The following AGRN variants were observed in gnomAD, a reference collection of about 807,000 sequenced individuals.
AGRN encodes agrin proteoglycan.
AGRN carries 106 observed loss-of-function variants against 211.0 expected under a neutral mutation model. The ratio of observed to expected loss-of-function variants is 0.50; its 90% confidence interval spans 0.43 to 0.59. The LOEUF (loss-of-function observed/expected upper bound fraction) is 0.59, where lower values mean the gene tolerates loss of function less well. Among genes scored for constraint, AGRN ranks in the 20% least tolerant of loss-of-function variants. The probability of loss-of-function intolerance (pLI) is 0.00; values close to 1 mark genes in which losing one functional copy is unlikely to be tolerated. For synonymous variants in AGRN, 1,525 were observed against 1,332.5 expected, an observed-to-expected ratio of 1.14 and a Z score of -3.15; for missense variants, 3,040 against 2,982.6, an observed-to-expected ratio of 1.02 and a Z score of -0.45.
At chr1:1,051,049 G>A in intron 30 of AGRN, 1 of 1,549,054 alleles carries the variant, frequency 6.5e-7, no homozygotes, top group Non-Finnish European at 8.7e-7. Context: ...GCAAGGTACT[G>A]TCGGCCTCTC....
intron 3 of AGRN, among the ~76,000 whole-genome samples, chr1:1,038,772 T>C (rs889335394): frequency 2.6e-5 from 4 of 152,178 alleles, no homozygotes; most frequent in African/African-American, 9.7e-5. Flanking sequence ...TGGCTGGGCA[T>C]CAGCAGGTGC....
intron 12 of AGRN, among the ~76,000 whole-genome samples, chr1:1,044,957 C>G (rs1645049373): frequency 6.6e-6 from 1 of 152,154 alleles, no homozygotes; most frequent in Non-Finnish European, 1.5e-5. Context: ...GTTGTGTGTT[C>G]CTGGATCTGC....
rs527511871 is a variant in AGRN at position 1,031,796 on chromosome 1, A to G, written c.464-3481A>G. The stretch of plus-strand genomic sequence containing the variant: ...TCCTCCTCCTGCAGAGCCCGCCCAG[A>G]GATCCCATGGCTGAAGGTGGTGGCA... On this transcript the variant is annotated intron_variant, in intron 2 of 35. Transcript: ENST00000379370. The surrounding 1 kb of genome is among the most constrained non-coding windows in gnomAD (Gnocchi z 4.8). Among the ~76,000 whole-genome samples the G allele has an allele frequency of 1.8e-4, 27 of 152,312 alleles. No individual in the cohort carries two copies. In the South Asian group the frequency reaches 5.6e-3, roughly 32 times the overall value.
intron 2 of AGRN, among the ~76,000 whole-genome samples, chr1:1,025,512 G>T (rs1644500879): frequency 6.6e-6 from 1 of 151,994 alleles, no homozygotes; most frequent in South Asian, 2.1e-4. Context: ...TAGGGCTGGG[G>T]CCAGCCCCCT....
rs1203162598 is a variant in AGRN at position 1,040,800 on chromosome 1, C to T, written c.647C>T (p.Thr216Ile). ...VAPVCGSDAS[T>I]YSNECELQRA... The stretch of plus-strand genomic sequence containing the variant: ...CCTGTGTGTGGGTCGGACGCCTCCA[C>T]CTACAGCAACGAATGCGAGCTGCAG... The change falls in exon 4 of 36, where the codon ACC becomes ATC. Residue 216 changes from threonine (T) to isoleucine (I), a missense_variant. Transcript: ENST00000379370. 1.3e-6 allele frequency: 2 copies of T among 1,539,224 alleles called. No individual in the cohort carries two copies. Among genetic ancestry groups the T allele is most frequent in the Non-Finnish European group, 8.7e-7 (1 of 1,147,970 alleles).
At chr1:1,050,074 G>A (rs755861280) in intron 27 of AGRN, 37 bp downstream of exon 27, 2 of 1,518,988 alleles carry the variant, frequency 1.3e-6, no homozygotes, top group Non-Finnish European at 1.8e-6. Context: ...GGGGGGGGGG[G>A]GGGGTTGAAC....
At position 1,053,739 on chromosome 1, in the gene AGRN, C is replaced by G. The variant is rs760795854; in HGVS notation, c.5652-14C>G. 2.3e-5 allele frequency: 36 copies of G among 1,585,892 alleles called. No homozygotes were observed. The South Asian group carries it at 4.0e-4, about 18-fold the overall frequency. On this transcript the variant is annotated splice_polypyrimidine_tract_variant and intron_variant, in intron 33 of 35. Transcript: ENST00000379370. Reference sequence around the variant, plus strand: ...CACCTTCCTAGAGGCCCTGACCTGCCCTCTGCCCTCCAGCGAGAAGGCACT... The same window carrying G: ...CACCTTCCTAGAGGCCCTGACCTGCGCTCTGCCCTCCAGCGAGAAGGCACT...
chr1:1,055,326 G>A lies in AGRN; in HGVS notation c.*345G>A, dbSNP rs1016918867. 2 of 387,752 alleles carry A rather than the reference G, an allele frequency of 5.2e-6. No homozygotes were observed. Among genetic ancestry groups the A allele is most frequent in the African/African-American group, 4.2e-5 (2 of 48,184 alleles). 24.0% of individuals were successfully genotyped at this position (387,752 alleles called of 1,614,324 possible). ...TCAGGCGGGACTCGTGTCCCAGAGA[G>A]GAAGGGGCTGCTGAGGTCTGATGGG... On this transcript the variant is annotated 3_prime_UTR_variant, in exon 36 of 36. Coordinates refer to ENST00000379370, the MANE Select transcript of AGRN (RefSeq NM_198576.4).
At chr1:1,024,966 G>A (rs1644487869) in intron 2 of AGRN, among the ~76,000 whole-genome samples, 1 of 152,088 alleles carries the variant, frequency 6.6e-6, no homozygotes, top group Non-Finnish European at 1.5e-5. Flanking sequence ...GCTGGCGGCT[G>A]AGCGGGCGAC....
intron 13 of AGRN, 38 bp from the exon 14 acceptor site, chr1:1,045,321 G>C: frequency 6.2e-7 from 1 of 1,612,032 alleles, no homozygotes; most frequent in Non-Finnish European, 8.5e-7. Flanking sequence ...TGGTGCGGCT[G>C]TGCGGCCACG....
chr1:1,039,883 C>G lies in AGRN; in HGVS notation c.512-782C>G, dbSNP rs759414540. Among the ~76,000 whole-genome samples the G allele has an allele frequency of 2.6e-5, 4 of 151,446 alleles. 1 individual carries two copies. The Middle Eastern group carries it at 0.014, about 519-fold the overall frequency. ...AGCGATGGGAGGCTGCAGAAGGGCA[C>G]AGGCCTGCCGCGGGTGGGGGGCTGG... is the stretch of plus-strand genomic sequence containing the variant. On this transcript the variant is annotated intron_variant, in intron 3 of 35. Coordinates refer to ENST00000379370, the MANE Select transcript of AGRN (RefSeq NM_198576.4).
chr1:1,035,371 T>C, intron 3 of AGRN, 47 bp downstream of exon 3: 2 of 1,607,806 alleles, frequency 1.2e-6, no homozygotes, highest in Non-Finnish European at 1.7e-6. Flanking sequence ...GTGGCACTCT[T>C]GGGAGTCAGG....
chr1:1,038,103 G>A (rs1644844532), intron 3 of AGRN, among the ~76,000 whole-genome samples: 1 of 152,186 alleles, frequency 6.6e-6, no homozygotes, highest in African/African-American at 2.4e-5. Context: ...ATAGGAGGGA[G>A]GGACCAGCAC....
Position 1,044,210 on chromosome 1 carries a change from G to C in AGRN, c.2101G>C (p.Gly701Arg). The change falls in exon 11 of 36, where the codon GGG (glycine) becomes CGG (arginine). Residue 701 changes from glycine (G) to arginine (R), a missense_variant. Physicochemically the swap from Gly to Arg is moderately radical, Grantham distance 125. Coordinates refer to ENST00000379370, the MANE Select transcript of AGRN (RefSeq NM_198576.4). ...GGIWDEDSED[G>R]PCVCDFSCQS... ...CATCTGGGACGAGGACTCGGAGGAC[G>C]GGCCGTGTGTCTGTGACTTCAGCTG... The C allele has an allele frequency of 6.2e-7, 1 of 1,613,062 alleles. No homozygotes were observed.
chr1:1,046,283 C>T lies in AGRN; in HGVS notation c.2911+18C>T. ...GTGCCAGGGTGAGGCCTGACGGCCACTGCCCCAGAACTGACCAGGAAGGCC... is the reference window on the plus strand; with the variant it reads ...GTGCCAGGGTGAGGCCTGACGGCCATTGCCCCAGAACTGACCAGGAAGGCC... On this transcript the variant is annotated intron_variant, in intron 17 of 35. Coordinates refer to ENST00000379370, the MANE Select transcript of AGRN (RefSeq NM_198576.4). The T allele has an allele frequency of 1.2e-6, 2 of 1,613,114 alleles. No individual in the cohort carries two copies. The highest frequency in any genetic ancestry group is 1.7e-6 in the Non-Finnish European group (2 of 1,179,920).
At position 1,031,602 on chromosome 1, in the gene AGRN, C is replaced by T. The variant is rs1458626777; in HGVS notation, c.464-3675C>T. Among the ~76,000 whole-genome samples the T allele has an allele frequency of 1.3e-5, 2 of 152,150 alleles. No homozygotes were observed. The highest frequency in any genetic ancestry group is 2.9e-5 in the Non-Finnish European group (2 of 67,992). On this transcript the variant is annotated intron_variant, in intron 2 of 35. Coordinates refer to ENST00000379370, the MANE Select transcript of AGRN (RefSeq NM_198576.4). This position sits in a 1 kb window ranked among gnomAD's most constrained non-coding sequence, Gnocchi z 4.8. ...GGGGCCCTAAGCCTCATTCCAGTGT[C>T]GGCCTGGGGCAGCCAGGCCCCCCAC...
intron 1 of AGRN, among the ~76,000 whole-genome samples, chr1:1,021,208 G>C (rs543470698): frequency 4.9e-4 from 75 of 152,330 alleles, no homozygotes; most frequent in Non-Finnish European, 5.1e-4. Flanking sequence ...CGCCGGCCCA[G>C]TCTCCTCCAC....
rs751301380 is a variant in AGRN, at chr1:1,051,778, C to T, written c.5614C>T (p.Arg1872Trp). The T allele has an allele frequency of 1.1e-5, 17 of 1,613,812 alleles. No homozygotes were observed. The East Asian group carries it at 3.3e-4, about 32-fold the overall frequency. ...CGTGGATACCTTGGCCTTTGACGGG[C>T]GGACCTTTGTCGAGTACCTCAACGC... ...GDVDTLAFDG[R>W]TFVEYLNAVT... is the part of the protein sequence containing the mutation. The change falls in exon 33 of 36, where the codon CGG becomes TGG. Residue 1872 changes from arginine to tryptophan, a missense_variant. Physicochemically the swap from Arg to Trp is moderately radical, Grantham distance 101. Coordinates refer to ENST00000379370, the MANE Select transcript of AGRN (RefSeq NM_198576.4).
chr1:1,022,285 G>T lies in AGRN; in HGVS notation c.286G>T (p.Gly96Cys). The change falls in exon 2 of 36, where the codon GGC (glycine) becomes TGC (cysteine). Residue 96 changes from glycine to cysteine, a missense_variant. Physicochemically the swap from Gly to Cys is radical, Grantham distance 159. This residue lies in a region of AGRN where 1,498 missense variants were observed against 1,457.8 expected (regional missense o/e 1.03). Transcript: ENST00000379370. ...CGGCGGCAACAAGGTGGTGATCAGC[G>T]GCTTTGGAGACCCCCTCATCTGTGA... ...LDGGNKVVIS[G>C]FGDPLICDNQ... 6.2e-7 allele frequency: 1 copy of T among 1,613,288 alleles called. No homozygotes were observed. The highest frequency in any genetic ancestry group is 8.5e-7 in the Non-Finnish European group (1 of 1,180,010).
Sources: gnomAD v4.1 joint callset for allele counts (sites outside exome capture counted in the v4.1 genomes callset) on GRCh38, gnomAD v4.1.1 for gene constraint, gnomAD v4.1.1 regional missense constraint, Gnocchi (gnomAD v3.1) non-coding constraint, MANE v1.5 for transcripts, NCBI Gene and HGNC (gene_info 2026-07-23, HGNC 2026-07-21) for gene names.